ABCC10: variants seen among roughly 807,000 people sequenced by gnomAD.
The protein encoded by ABCC10 is ATP binding cassette subfamily C member 10.
Under a neutral mutation model 143.2 loss-of-function variants are expected in ABCC10, and 110 were observed. The observed-to-expected ratio is 0.77, with a 90% CI of 0.66 to 0.90. The LOEUF is 0.90. Ranked by LOEUF, ABCC10 falls within the 40% of genes least tolerant of loss-of-function variation. ABCC10 has a pLI of 0.00. For missense variants in ABCC10, 1,700 were observed against 1,900.5 expected (o/e 0.89, Z 1.96); for synonymous variants, 805 against 846.7 (o/e 0.95, Z 0.85).
At chr6:43,446,903 A>T in intron 16 of ABCC10, 1 of 1,059,110 alleles carries the variant, frequency 9.4e-7, no homozygotes, top group Non-Finnish European at 1.2e-6. Flanking sequence ...GCTGGAGTGC[A>T]GTGGCACGAT....
chr6:43,441,581 T>C (rs1289624270), intron 8 of ABCC10, among the ~76,000 whole-genome samples: 1 of 152,232 alleles, frequency 6.6e-6, no homozygotes, highest in Non-Finnish European at 1.5e-5. Flanking sequence ...CTGTCTGAGC[T>C]TTGGTTGCAC....
chr6:43,446,720 GC>G, intron 16 of ABCC10: 1 of 1,280,822 alleles, frequency 7.8e-7, no homozygotes, highest in East Asian at 3.4e-5. Context: ...CCACCACACT[GC>G]CCCAGCCCGC....
intron 8 of ABCC10, among the ~76,000 whole-genome samples, chr6:43,439,343 C>T (rs1782083462): frequency 6.6e-6 from 1 of 152,144 alleles, no homozygotes; most frequent in Admixed American, 6.5e-5. Flanking sequence ...CACTTTTAAC[C>T]TTGACCATGG....
chr6:43,433,516 A>G (rs1465962638), intron 3 of ABCC10, among the ~76,000 whole-genome samples, 156 bp downstream of exon 3: 1 of 152,182 alleles, frequency 6.6e-6, no homozygotes, highest in African/African-American at 2.4e-5. Context: ...TCCTGGCTCT[A>G]CACTTACTGG....
chr6:43,446,854 G>GA lies in ABCC10; in HGVS notation c.3545-394_3545-393insA, dbSNP rs1554207995. On this transcript the variant is annotated intron_variant, in intron 16 of 21. Transcript: ENST00000372530. Reference sequence around the variant, plus strand: ...TGCTTCTCTGTTGCTTTTTTGTTTTGTTTTTTTTTTTGAGATGGAGTCTCG... The same window carrying GA: ...TGCTTCTCTGTTGCTTTTTTGTTTTGATTTTTTTTTTTGAGATGGAGTCTCG... 1.4e-5 allele frequency: 13 copies of GA among 921,154 alleles called. No homozygotes were observed. The African/African-American group carries it at 2.2e-4, about 15-fold the overall frequency. The allele number at this position is 921,154 out of a possible 1,614,324, so 57.1% of individuals were successfully genotyped here. A position where few individuals can be genotyped will look rare whatever the true frequency, so the allele number is the denominator to read the frequency against.
Position 43,447,886 on chromosome 6 carries a change from G to T in ABCC10, c.3908G>T (p.Arg1303Leu). ...LFRLLEPSSG[R>L]VLLDGVDTSQ... ...CGGCTGCTAGAGCCCAGTTCAGGGCGAGTGCTGCTGGACGGCGTGGACACC... is the reference window on the plus strand; with the variant it reads ...CGGCTGCTAGAGCCCAGTTCAGGGCTAGTGCTGCTGGACGGCGTGGACACC... Residue 1303 changes from arginine to leucine, a missense_variant, in exon 18 of 22, where the codon CGA becomes CTA. Arg to Leu is a moderately radical substitution (Grantham distance 102). Transcript: ENST00000372530. 1.2e-6 allele frequency: 2 copies of T among 1,613,936 alleles called. No homozygotes were observed. Among genetic ancestry groups the T allele is most frequent in the Non-Finnish European group, 8.5e-7 (1 of 1,180,034 alleles).
In ABCC10 at chr6:43,432,711, C is replaced by G. The variant is rs1158291426; in HGVS notation, c.731C>G (p.Pro244Arg). The G allele has an allele frequency of 1.9e-6, 3 of 1,614,072 alleles. No individual in the cohort carries two copies. The change falls in exon 3 of 22, where the codon CCT (proline) becomes CGT (arginine). Residue 244 changes from proline to arginine, a missense_variant. Pro to Arg is a moderately radical substitution (Grantham distance 103, BLOSUM62 -2). Transcript: ENST00000372530. ...ARGACGELRQ[P>R]QDICRLPHRL... ...GGGGCCTGTGGAGAGCTCCGGCAGCCTCAGGACATTTGCCGCCTCCCCCAC... is the reference window on the plus strand; with the variant it reads ...GGGGCCTGTGGAGAGCTCCGGCAGCGTCAGGACATTTGCCGCCTCCCCCAC...
At position 43,447,819 on chromosome 6, in the gene ABCC10, C is replaced by T. The variant is rs143328068; in HGVS notation, c.3841C>T (p.Arg1281Cys). 5.0e-6 allele frequency: 8 copies of T among 1,613,542 alleles called. No homozygotes were observed. The highest frequency in any genetic ancestry group is 1.7e-5 in the Admixed American group (1 of 60,002). ...QPGEKLGIVG[R>C]TGSGKSSLLL... ...TGGAGAGAAGTTGGGCATCGTGGGC[C>T]GCACAGGCTCCGGCAAGTCTTCCCT... Residue 1281 changes from arginine to cysteine, a missense_variant, in exon 18 of 22, where the codon CGC becomes TGC. Arg to Cys is a radical substitution (Grantham distance 180). Transcript: ENST00000372530.
intron 17 of ABCC10, 95 bp downstream of exon 17, chr6:43,447,503 C>T: frequency 6.4e-7 from 1 of 1,558,458 alleles, no homozygotes; most frequent in Non-Finnish European, 8.7e-7. Flanking sequence ...CCATCTTTCT[C>T]AGCTCCCATA....
chr6:43,449,475 G>C lies in ABCC10; in HGVS notation c.4257G>C (p.Leu1419=). ...TASVDQKTDQ[L]LQQTICKRFA... ...GTGTGGACCAGAAGACAGACCAGCT[G>C]CTCCAGCAGACCATCTGCAAACGCT... The change falls in exon 21 of 22, where the codon CTG becomes CTC. Residue 1419 remains leucine, a synonymous_variant. Transcript: ENST00000372530. The C allele has an allele frequency of 7.4e-6, 12 of 1,614,034 alleles. No individual in the cohort carries two copies. The highest frequency in any genetic ancestry group is 3.3e-5 in the South Asian group (3 of 91,078).
At chr6:43,436,302 C>T in intron 6 of ABCC10, 55 bp downstream of exon 6, 1 of 1,580,756 alleles carries the variant, frequency 6.3e-7, no homozygotes, top group African/African-American at 1.3e-5. Flanking sequence ...GAGATGGGAA[C>T]TCATGTCAGA....
At position 43,443,094 on chromosome 6, in the gene ABCC10, G is replaced by T. The variant is rs41271275; in HGVS notation, c.2351G>T (p.Arg784Leu). The part of the protein sequence containing the change: ...SYTTRLLCTH[R>L]TEYLERADAV... The stretch of plus-strand genomic sequence containing the variant: ...ACCACACGGCTGCTCTGCACCCACC[G>T]CACTGAGTACCTGGAGAGGGCTGAC... The change falls in exon 10 of 22, where the codon CGC becomes CTC. Residue 784 changes from arginine (R) to leucine (L), a missense_variant. Arg to Leu is a moderately radical substitution (Grantham distance 102). Coordinates refer to ENST00000372530, the MANE Select transcript of ABCC10 (RefSeq NM_001198934.2). The surrounding 1 kb of genome is among the most constrained non-coding windows in gnomAD (Gnocchi z 4.2). 1.9e-6 allele frequency: 3 copies of T among 1,611,688 alleles called. No homozygotes were observed. Among genetic ancestry groups the T allele is most frequent in the South Asian group, 1.1e-5 (1 of 91,042 alleles).
Position 43,443,319 on chromosome 6 carries a change from G to A in ABCC10, c.2416+160G>A. 3 of 726,096 alleles carry A rather than the reference G, an allele frequency of 4.1e-6. No individual in the cohort carries two copies. The highest frequency in any genetic ancestry group is 6.3e-6 in the Non-Finnish European group (3 of 474,026). The allele number at this position is 726,096 out of a possible 1,614,324, so 45.0% of individuals were successfully genotyped here. On this transcript the variant is annotated intron_variant, in intron 10 of 21. Transcript: ENST00000372530. The surrounding 1 kb of genome is among the most constrained non-coding windows in gnomAD (Gnocchi z 4.2). ...GTGTGAGGAACTGGGAGAACAGGAGGGAAAAGGAGTACGTTGGTAAAATGC... is the reference window on the plus strand; with the variant it reads ...GTGTGAGGAACTGGGAGAACAGGAGAGAAAAGGAGTACGTTGGTAAAATGC...
chr6:43,447,300 G>C lies in ABCC10; in HGVS notation c.3597G>C (p.Ser1199=). ...CCCTGTCCCTGACGGGCCTGCTCTC[G>C]GGCCTGGTGAGCAGCTTCACACAGA... ...SYALSLTGLL[S]GLVSSFTQTE... Residue 1199 remains serine, a synonymous_variant, in exon 17 of 22, where the codon TCG becomes TCC. Transcript: ENST00000372530. 6.2e-7 allele frequency: 1 copy of C among 1,613,652 alleles called. No homozygotes were observed. Among genetic ancestry groups the C allele is most frequent in the Non-Finnish European group, 8.5e-7 (1 of 1,179,994 alleles).
rs760847921 is a variant in ABCC10 at position 43,450,134 on chromosome 6, C to T, written c.*43C>T. ...GCAGAGTTCTCCCCTCTCTCTGATC[C>T]AGGCCGGGCCTATACAGAGGTGCTG... is the stretch of plus-strand genomic sequence containing the variant. On this transcript the variant is annotated 3_prime_UTR_variant, in exon 22 of 22. Transcript: ENST00000372530. This position sits in a 1 kb window ranked among gnomAD's most constrained non-coding sequence, Gnocchi z 4.5. 3.2e-6 allele frequency: 5 copies of T among 1,549,934 alleles called. No homozygotes were observed. In the East Asian group the frequency reaches 9.0e-5, roughly 28 times the overall value.
chr6:43,442,998 C>G lies in ABCC10; in HGVS notation c.2255C>G (p.Pro752Arg), dbSNP rs770288857. Residue 752 changes from proline to arginine, a missense_variant, in exon 10 of 22, where the codon CCT (proline) becomes CGT (arginine). Transcript: ENST00000372530. ...QEKELYLLDD[P>R]LAAVDADVAN... ...AAGGAGCTCTATCTCCTCGATGACCCTCTGGCCGCTGTGGATGCAGATGTG... is the reference window on the plus strand; with the variant it reads ...AAGGAGCTCTATCTCCTCGATGACCGTCTGGCCGCTGTGGATGCAGATGTG... 1.2e-6 allele frequency: 2 copies of G among 1,606,236 alleles called. No individual in the cohort carries two copies. The highest frequency in any genetic ancestry group is 2.2e-5 in the South Asian group (2 of 89,846).
Position 43,433,326 on chromosome 6 carries a change from AGGAAAT to A in ABCC10, c.1348_1353del (p.Glu450_Met451del). 3 of 1,613,904 alleles carry A rather than the reference AGGAAAT, an allele frequency of 1.9e-6. No individual in the cohort carries two copies. Among genetic ancestry groups the A allele is most frequent in the Non-Finnish European group, 1.7e-6 (2 of 1,179,814 alleles). ...GCCACCCGCATCATGGCCAGCAACC[AGGAAAT>A]GCTACAGCACAAGGATGCGCGGGTT... On this transcript the variant is annotated inframe_deletion, in exon 3 of 22. Coordinates refer to ENST00000372530, the MANE Select transcript of ABCC10 (RefSeq NM_001198934.2).
At chr6:43,451,401 A>C, downstream of ABCC10, 8 of 1,201,026 alleles carry the variant, frequency 6.7e-6, no homozygotes, top group Non-Finnish European at 8.0e-6. This position sits in a 1 kb window ranked among gnomAD's most constrained non-coding sequence, Gnocchi z 4.4. Flanking sequence ...CAAATACCTC[A>C]TTTTAAAAAT....
In ABCC10 at chr6:43,444,251, A is replaced by T; in HGVS notation, c.2587A>T (p.Lys863Ter). The T allele has an allele frequency of 6.2e-7, 1 of 1,614,166 alleles. No homozygotes were observed. Among genetic ancestry groups the T allele is most frequent in the Non-Finnish European group, 8.5e-7 (1 of 1,180,018 alleles). ...TSGRLLQEES[K>*]KEGAVALHVY... ...TGGTCGCCTGCTGCAGGAAGAAAGC[A>T]AGAAGGAGGGCGCCGTGGCCTTGCA... The change falls in exon 12 of 22, where the codon AAG becomes TAG. Residue 863 changes from lysine (K) to a stop codon, truncating the protein, a stop_gained. Transcript: ENST00000372530. LOFTEE classifies it high-confidence loss of function.
Sources: gnomAD v4.1 joint callset for allele counts (sites outside exome capture counted in the v4.1 genomes callset) on GRCh38, gnomAD v4.1.1 for gene constraint, Gnocchi (gnomAD v3.1) non-coding constraint, MANE v1.5 for transcripts, NCBI Gene and HGNC (gene_info 2026-07-23, HGNC 2026-07-21) for gene names.